CSMD3: variants seen among roughly 807,000 people sequenced by gnomAD.
CSMD3 encodes the protein CUB and Sushi multiple domains 3, also known as CUB and sushi domain-containing protein 3.
In CSMD3, 177 loss-of-function variants were observed where a neutral mutation model predicts 435.2. The ratio of observed to expected loss-of-function variants is 0.41; its 90% CI spans 0.36 to 0.46. The LOEUF is 0.46. CSMD3 is among the 20% of genes least tolerant of loss of function. CSMD3 has a pLI of 0.34. For synonymous variants in CSMD3, 1,656 were observed against 1,520.5 expected (o/e 1.09, Z -2.07); for missense variants, 4,265 against 4,504.6 (o/e 0.95, Z 1.52).
intron 1 of CSMD3, among the ~76,000 whole-genome samples, chr8:113,321,144 A>G (rs2093946826): frequency 6.6e-6 from 1 of 152,088 alleles, no homozygotes. Context: ...TCAGGTCCCC[A>G]CATTGCTGCT....
At chr8:112,558,324 C>T (rs1467060740) in intron 24 of CSMD3, among the ~76,000 whole-genome samples, 2 of 151,860 alleles carry the variant, frequency 1.3e-5, no homozygotes, top group Non-Finnish European at 2.9e-5. Flanking sequence ...AGGGGTCCTG[C>T]CCCATACCCT....
intron 17 of CSMD3, among the ~76,000 whole-genome samples, chr8:112,662,947 GATAAATGCAA>G (rs1349689727): frequency 1.7e-4 from 26 of 152,106 alleles, no homozygotes; most frequent in Admixed American, 8.5e-4. Flanking sequence ...CTGGCCATCA[GATAAATGCAA>G]ATCAAAACCA....
intron 5 of CSMD3, among the ~76,000 whole-genome samples, chr8:113,071,577 C>T (rs2089123344): frequency 1.3e-5 from 2 of 151,816 alleles, no homozygotes; most frequent in Admixed American, 1.3e-4. Flanking sequence ...ATATTTCTTT[C>T]CCCATTGTGT....
chr8:113,155,907 T>C (rs937884036), intron 4 of CSMD3, among the ~76,000 whole-genome samples: 4 of 152,016 alleles, frequency 2.6e-5, no homozygotes, highest in African/African-American at 9.7e-5. Context: ...TGTTGGAAGG[T>C]GGATACAGGA....
intron 5 of CSMD3, among the ~76,000 whole-genome samples, chr8:113,095,000 A>G (rs1384363719): frequency 5.9e-5 from 9 of 151,950 alleles, no homozygotes; most frequent in African/African-American, 2.2e-4. Flanking sequence ...AAACCCTGCA[A>G]GCAGAGGTTG....
intron 3 of CSMD3, among the ~76,000 whole-genome samples, chr8:113,250,568 C>A (rs562394805): frequency 1.7e-4 from 26 of 151,940 alleles, no homozygotes; most frequent in African/African-American, 6.0e-4. Flanking sequence ...AGATGCAGAG[C>A]GGAGTTTGGA....
chr8:112,990,151 G>A (rs754895276), intron 6 of CSMD3, among the ~76,000 whole-genome samples: 13 of 152,024 alleles, frequency 8.6e-5, no homozygotes, highest in East Asian at 1.9e-4. Context: ...TCCCGAATAC[G>A]TCTTTATTAG....
chr8:112,703,309 G>C (rs1442894303), intron 13 of CSMD3, among the ~76,000 whole-genome samples: 1 of 152,122 alleles, frequency 6.6e-6, no homozygotes, highest in African/African-American at 2.4e-5. Context: ...GGGAAGAGGT[G>C]CTGAAATGAA....
At chr8:113,043,265 T>G (rs1328898178) in intron 5 of CSMD3, among the ~76,000 whole-genome samples, 1 of 152,202 alleles carries the variant, frequency 6.6e-6, no homozygotes, top group African/African-American at 2.4e-5. Context: ...TGCCTTGTTC[T>G]TGCTACGAAA....
chr8:112,259,444 G>A (rs1316456164), intron 61 of CSMD3, among the ~76,000 whole-genome samples: 6 of 152,096 alleles, frequency 3.9e-5, no homozygotes, highest in South Asian at 4.2e-4. Flanking sequence ...CTGTCAGGGG[G>A]TGAGGGTCTA....
intron 45 of CSMD3, 67 bp downstream of exon 45, chr8:112,335,262 C>T (rs2130945615): frequency 2.1e-6 from 3 of 1,424,132 alleles, no homozygotes; most frequent in Non-Finnish European, 3.0e-6. Context: ...ATATATATTA[C>T]ATTCACTTTT....
At chr8:113,021,970 C>T (rs1411432580) in intron 5 of CSMD3, among the ~76,000 whole-genome samples, 2 of 152,246 alleles carry the variant, frequency 1.3e-5, no homozygotes, top group South Asian at 2.1e-4. Context: ...CCCTCTGCCA[C>T]CAGAGAGAAA....
chr8:112,708,219 T>G (rs2076539013), intron 13 of CSMD3, among the ~76,000 whole-genome samples: 1 of 151,994 alleles, frequency 6.6e-6, no homozygotes, highest in African/African-American at 2.4e-5. Context: ...GTATATGGAA[T>G]TTAGTAATTA....
intron 58 of CSMD3, among the ~76,000 whole-genome samples, chr8:112,283,591 T>C (rs1247350571): frequency 6.6e-6 from 1 of 151,678 alleles, no homozygotes; most frequent in Non-Finnish European, 1.5e-5. Flanking sequence ...CTTTTTTATT[T>C]CTATTTTTCT....
chr8:112,258,829 GGA>G (rs1410002759), intron 61 of CSMD3, among the ~76,000 whole-genome samples: 1 of 152,122 alleles, frequency 6.6e-6, no homozygotes, highest in Non-Finnish European at 1.5e-5. Context: ...CACAACGTCA[GGA>G]GATCGAGACC....
chr8:112,947,904 AG>A (rs1403062845), intron 8 of CSMD3, 27 bp from the exon 9 acceptor site: 1 of 951,492 alleles, frequency 1.1e-6, no homozygotes, highest in Admixed American at 1.7e-5. Context: ...AAAAGAAAAA[AG>A]AAACAAAATA....
At chr8:113,413,308 AACACAGAT>A (rs2094567573) in intron 1 of CSMD3, among the ~76,000 whole-genome samples, 2 of 152,136 alleles carry the variant, frequency 1.3e-5, no homozygotes, top group African/African-American at 4.8e-5. Context: ...CATTTTACCT[AACACAGAT>A]TGATTTCATT....
Position 112,475,320 on chromosome 8 carries a change from T to C in CSMD3, c.5279-2613A>G, listed in dbSNP as rs548334529. Among the ~76,000 whole-genome samples the C allele has an allele frequency of 8.5e-5, 13 of 152,292 alleles. No individual in the cohort carries two copies. In the South Asian group the frequency reaches 2.7e-3, roughly 32 times the overall value. On this transcript the variant is annotated intron_variant, in intron 31 of 70. Transcript: ENST00000297405. ...TAACTGACATTTAGGACAGCTTTTATTAAAAATCATATTTAGAAATATGAA... is the reference window on the plus strand; with the variant it reads ...TAACTGACATTTAGGACAGCTTTTACTAAAAATCATATTTAGAAATATGAA...
chr8:113,326,318 C>T lies in CSMD3; in HGVS notation c.179-11525G>A, dbSNP rs535806889. On this transcript the variant is annotated intron_variant, in intron 1 of 70. Coordinates refer to ENST00000297405, the MANE Select transcript of CSMD3 (RefSeq NM_198123.2). ...ATGCCATCTTGTCTTTTTAAAGTGA[C>T]CATGTTGTTATATTAATTATATTAA... 7.9e-5 allele frequency among the ~76,000 whole-genome samples: 12 copies of T among 151,386 alleles called. No homozygotes were observed. The South Asian group carries it at 2.3e-3, about 29-fold the overall frequency.
Sources: allele counts gnomAD v4.1 joint callset (sites outside exome capture counted in the v4.1 genomes callset), GRCh38; gene constraint gnomAD v4.1.1; transcripts MANE v1.5; gene names NCBI Gene and HGNC (gene_info 2026-07-23, HGNC 2026-07-21).